Variants in KCNJ3 observed in about 807,000 individuals in gnomAD.
KCNJ3 encodes G protein-activated inward rectifier potassium channel 1.
In KCNJ3, 4 loss-of-function variants were observed where a neutral mutation model predicts 39.2. That is an observed-to-expected ratio of 0.10 (90% CI 0.05 to 0.23). The LOEUF (loss-of-function observed/expected upper bound fraction) is 0.23, where lower values mean the gene tolerates loss of function less well. KCNJ3 is among the 10% of genes least tolerant of loss of function. The pLI is 1.00. For missense variants in KCNJ3, 276 were observed against 634.9 expected, an observed-to-expected ratio of 0.43 and a Z score of 6.08; for synonymous variants, 230 against 237.4, an observed-to-expected ratio of 0.97 and a Z score of 0.29.
At chr2:154,792,697 C>CAGAG (rs1008327900) in intron 2 of KCNJ3, among the ~76,000 whole-genome samples, 2 of 152,070 alleles carry the variant, frequency 1.3e-5, no homozygotes, top group African/African-American at 4.8e-5. Flanking sequence ...AGCCCAAAGG[C>CAGAG]AGAGAGATCT....
intron 2 of KCNJ3, among the ~76,000 whole-genome samples, chr2:154,816,890 T>G (rs1373545403): frequency 6.6e-6 from 1 of 152,198 alleles, no homozygotes; most frequent in African/African-American, 2.4e-5. Context: ...TTATCGCAAT[T>G]TCTCATTGGC....
At chr2:154,831,513 T>G (rs2971896) in intron 2 of KCNJ3, among the ~76,000 whole-genome samples, 31,325 of 152,062 alleles carry the variant, frequency 0.21, 3,529 homozygotes, top group East Asian at 0.4. Context: ...CTGTTGTCAG[T>G]ACTAGCTGTA....
At chr2:154,779,732 C>T (rs902207566) in intron 2 of KCNJ3, among the ~76,000 whole-genome samples, 14 of 151,538 alleles carry the variant, frequency 9.2e-5, no homozygotes, top group East Asian at 3.9e-4. Context: ...TTAGTAAAGA[C>T]GGGGTTTCAC....
At chr2:154,705,319 A>C (rs2105147845) in intron 1 of KCNJ3, among the ~76,000 whole-genome samples, 1 of 152,274 alleles carries the variant, frequency 6.6e-6, no homozygotes, top group South Asian at 2.1e-4. Flanking sequence ...GCAGTGCTAA[A>C]TGTATATCCT....
At chr2:154,734,718 T>C (rs531346942) in intron 2 of KCNJ3, among the ~76,000 whole-genome samples, 7 of 151,850 alleles carry the variant, frequency 4.6e-5, no homozygotes, top group Admixed American at 2.0e-4. Flanking sequence ...ATGGAGAGAG[T>C]GAAAGGTCAG....
intron 2 of KCNJ3, among the ~76,000 whole-genome samples, chr2:154,732,495 G>T (rs1156726415): frequency 6.6e-6 from 1 of 152,014 alleles, no homozygotes; most frequent in Admixed American, 6.6e-5. Flanking sequence ...AGACTCAAAA[G>T]GCTTGTGACT....
chr2:154,761,062 C>CTTTTTTTTTT (rs11375045), intron 2 of KCNJ3, among the ~76,000 whole-genome samples: 3 of 133,930 alleles, frequency 2.2e-5, no homozygotes, highest in Non-Finnish European at 3.1e-5. Flanking sequence ...TTAATTTTTT[C>CTTTTTTTTTT]TTTTTTTTTT....
chr2:154,818,981 T>A, intron 2 of KCNJ3, among the ~76,000 whole-genome samples: 1 of 129,554 alleles, frequency 7.7e-6, no homozygotes, highest in African/African-American at 2.9e-5. Flanking sequence ...CTGCAGGCCA[T>A]CAGGGATTGC....
At chr2:154,745,246 G>A (rs1685720844) in intron 2 of KCNJ3, among the ~76,000 whole-genome samples, 1 of 151,952 alleles carries the variant, frequency 6.6e-6, no homozygotes, top group African/African-American at 2.4e-5. Flanking sequence ...TTGGTTTATG[G>A]TGTCTGGAGT....
At chr2:154,833,755 A>AT (rs927159141) in intron 2 of KCNJ3, among the ~76,000 whole-genome samples, 108 of 152,110 alleles carry the variant, frequency 7.1e-4, no homozygotes, top group African/African-American at 2.6e-3. Flanking sequence ...CCATAGTTAC[A>AT]TTTTCTAGAA....
intron 2 of KCNJ3, among the ~76,000 whole-genome samples, chr2:154,833,797 C>A (rs192521187): frequency 1.3e-5 from 2 of 152,070 alleles, no homozygotes; most frequent in African/African-American, 2.4e-5. Flanking sequence ...CAGGATGTAG[C>A]CTTTTCAGAT....
intron 2 of KCNJ3, among the ~76,000 whole-genome samples, chr2:154,761,141 C>T (rs74571701): frequency 6.7e-6 from 1 of 149,206 alleles, no homozygotes; most frequent in South Asian, 2.1e-4. Context: ...GTCTGTAATC[C>T]TTTAGAATTC....
chr2:154,748,705 A>G (rs191784354), intron 2 of KCNJ3, among the ~76,000 whole-genome samples: 3 of 152,276 alleles, frequency 2.0e-5, no homozygotes, highest in Non-Finnish European at 4.4e-5. Context: ...AAAATAGAGT[A>G]AGTAATGACT....
intron 2 of KCNJ3, among the ~76,000 whole-genome samples, chr2:154,712,722 T>C (rs1306664902): frequency 1.3e-5 from 2 of 151,998 alleles, no homozygotes; most frequent in African/African-American, 2.4e-5. Flanking sequence ...GAACCAATAC[T>C]CAGGAGGCCG....
At chr2:154,788,245 A>C (rs1686568402) in intron 2 of KCNJ3, among the ~76,000 whole-genome samples, 1 of 152,162 alleles carries the variant, frequency 6.6e-6, no homozygotes, top group African/African-American at 2.4e-5. Context: ...TCTAGCCAAA[A>C]TATGCAGCTG....
chr2:154,768,380 G>T, intron 2 of KCNJ3, among the ~76,000 whole-genome samples: 1 of 152,264 alleles, frequency 6.6e-6, no homozygotes, highest in African/African-American at 2.4e-5. Context: ...GTAAGGAAGG[G>T]ATCCAGTTTC....
At position 154,795,802 on chromosome 2, in the gene KCNJ3, T is replaced by C. The variant is rs151287802; in HGVS notation, c.920-58925T>C. Among the ~76,000 whole-genome samples the C allele has an allele frequency of 2.3e-3, 348 of 152,212 alleles. 3 individuals are homozygous for C. Among genetic ancestry groups the C allele is most frequent in the African/African-American group, 7.8e-3 (324 of 41,554 alleles). ...TCTTTGTGAAGTGCTTTCCCTTTTA[T>C]CCCCTTTGCTAAATCAGTGTGGAGC... On this transcript the variant is annotated intron_variant, in intron 2 of 2. Transcript: ENST00000295101.
rs1342313816 is a variant in KCNJ3 at position 154,735,253 on chromosome 2, C to CTT, written c.919+25445_919+25446dup. Among the ~76,000 whole-genome samples the CTT allele has an allele frequency of 2.6e-3, 368 of 141,006 alleles. 8 individuals are homozygous for CTT. Among genetic ancestry groups the CTT allele is most frequent in the African/African-American group, 9.2e-3 (354 of 38,516 alleles). The allele number at this position is 141,006 out of a possible 152,430, so 92.5% of individuals were successfully genotyped here. Reference sequence around the variant, plus strand: ...AGGGGCCCGCCACCATGCCTGGCTACTTTTTTTTTTTTCTTTCTTTCTTTT... The same window carrying CTT: ...AGGGGCCCGCCACCATGCCTGGCTACTTTTTTTTTTTTTTCTTTCTTTCTTTT... On this transcript the variant is annotated intron_variant, in intron 2 of 2. Transcript: ENST00000295101.
intron 1 of KCNJ3, among the ~76,000 whole-genome samples, chr2:154,708,194 T>C (rs1277532228): frequency 3.3e-5 from 5 of 152,142 alleles, no homozygotes; most frequent in Non-Finnish European, 5.9e-5. Flanking sequence ...ACACAAATAA[T>C]ATCCGTGAAT....
Sources: gnomAD v4.1 joint callset for allele counts (sites outside exome capture counted in the v4.1 genomes callset) on GRCh38, gnomAD v4.1.1 for gene constraint, MANE v1.5 for transcripts, NCBI Gene and HGNC (gene_info 2026-07-23, HGNC 2026-07-21) for gene names.